FNDC3B: variants seen among roughly 807,000 people sequenced by gnomAD.
FNDC3B encodes fibronectin type III domain-containing protein 3B.
A neutral mutation model predicts 151.5 loss-of-function variants in FNDC3B; 12 were observed. That is an observed-to-expected ratio of 0.08 (90% confidence interval 0.05 to 0.13). FNDC3B has a LOEUF of 0.13. FNDC3B is among the 10% of genes least tolerant of loss of function. The pLI is 1.00. For missense variants in FNDC3B, 1,214 were observed against 1,505.3 expected, an observed-to-expected ratio of 0.81 and a Z score of 3.20; for synonymous variants, 528 against 549.0, an observed-to-expected ratio of 0.96 and a Z score of 0.54.
chr3:172,197,956 G>T (rs1235341121), intron 3 of FNDC3B, among the ~76,000 whole-genome samples: 1 of 152,122 alleles, frequency 6.6e-6, no homozygotes, highest in Non-Finnish European at 1.5e-5. Context: ...AGTTCAAAGT[G>T]ATATAAATAT....
chr3:172,317,954 G>C (rs1473893008), intron 11 of FNDC3B, among the ~76,000 whole-genome samples: 1 of 152,180 alleles, frequency 6.6e-6, no homozygotes, highest in African/African-American at 2.4e-5. Context: ...GTGACTACTG[G>C]AGTCCCCAAA....
chr3:172,392,135 A>T, intron 25 of FNDC3B, among the ~76,000 whole-genome samples: 1 of 152,186 alleles, frequency 6.6e-6, no homozygotes, highest in East Asian at 1.9e-4. Context: ...CTCATCTTAA[A>T]ACGTTCATTT....
intron 25 of FNDC3B, among the ~76,000 whole-genome samples, chr3:172,382,656 G>C (rs1390054235): frequency 6.6e-6 from 1 of 152,162 alleles, no homozygotes; most frequent in Non-Finnish European, 1.5e-5. Flanking sequence ...AAGGGGTAAG[G>C]AAGGGGTCCA....
intron 6 of FNDC3B, among the ~76,000 whole-genome samples, chr3:172,268,822 A>G (rs1729045827): frequency 6.6e-6 from 1 of 152,192 alleles, no homozygotes; most frequent in Non-Finnish European, 1.5e-5. Flanking sequence ...GGTTTTAGCT[A>G]CTTATGTGAT....
intron 23 of FNDC3B, among the ~76,000 whole-genome samples, chr3:172,367,406 A>C (rs1226479260): frequency 6.6e-6 from 1 of 152,216 alleles, no homozygotes; most frequent in Non-Finnish European, 1.5e-5. Context: ...CAGACAGCAG[A>C]CAGCAAAACA....
intron 24 of FNDC3B, among the ~76,000 whole-genome samples, chr3:172,378,814 A>C (rs1383593770): frequency 6.6e-6 from 1 of 152,188 alleles, no homozygotes; most frequent in Admixed American, 6.5e-5. Flanking sequence ...AGACTGACTT[A>C]GGCAACTTCA....
In FNDC3B at chr3:172,397,542, C is replaced by T. The variant is rs1036119556; in HGVS notation, c.*67C>T. 2 of 1,033,260 alleles carry T rather than the reference C, an allele frequency of 1.9e-6. No individual in the cohort carries two copies. Among genetic ancestry groups the T allele is most frequent in the Non-Finnish European group, 2.8e-6 (2 of 723,344 alleles). 64.0% of individuals were successfully genotyped at this position (1,033,260 alleles called of 1,614,324 possible). Reference sequence around the variant, plus strand: ...AATACACACATTTATTCAGATACTCCCCTTTTTAAAGCCCTTTTGTTTTTT... The same window carrying T: ...AATACACACATTTATTCAGATACTCTCCTTTTTAAAGCCCTTTTGTTTTTT... On this transcript the variant is annotated 3_prime_UTR_variant, in exon 26 of 26. Transcript: ENST00000415807.
At chr3:172,327,485 C>A (rs1732416319) in intron 11 of FNDC3B, among the ~76,000 whole-genome samples, 1 of 152,200 alleles carries the variant, frequency 6.6e-6, no homozygotes, top group Non-Finnish European at 1.5e-5. Flanking sequence ...ACTGCGAGCT[C>A]CGTCTCCCAG....
chr3:172,368,967 C>T (rs1274115868), intron 23 of FNDC3B, among the ~76,000 whole-genome samples: 1 of 152,142 alleles, frequency 6.6e-6, no homozygotes, highest in Non-Finnish European at 1.5e-5. Context: ...GCCAAGATCA[C>T]GCCACTGTAC....
At chr3:172,183,918 A>G (rs903863057) in intron 3 of FNDC3B, among the ~76,000 whole-genome samples, 1 of 152,158 alleles carries the variant, frequency 6.6e-6, no homozygotes, top group African/African-American at 2.4e-5. Flanking sequence ...CATTAATATT[A>G]CTAGCTAACT....
At chr3:172,281,960 A>G (rs538034618) in intron 6 of FNDC3B, among the ~76,000 whole-genome samples, 1 of 150,664 alleles carries the variant, frequency 6.6e-6, no homozygotes, top group Non-Finnish European at 1.5e-5. Context: ...GCTTCATCCA[A>G]ACTCTGACAT....
chr3:172,396,717 G>A (rs1736301495), intron 25 of FNDC3B, among the ~76,000 whole-genome samples: 1 of 152,182 alleles, frequency 6.6e-6, no homozygotes, highest in Non-Finnish European at 1.5e-5. Context: ...AGGGATCTAG[G>A]TTGTGCACTC....
intron 7 of FNDC3B, 34 bp downstream of exon 7, chr3:172,286,018 C>G: frequency 6.7e-7 from 1 of 1,493,148 alleles, no homozygotes; most frequent in African/African-American, 1.4e-5. Context: ...ATAAATGACA[C>G]TTTTTAAAGT....
intron 3 of FNDC3B, among the ~76,000 whole-genome samples, chr3:172,166,526 A>G (rs1170400349): frequency 6.6e-6 from 1 of 152,148 alleles, no homozygotes; most frequent in East Asian, 1.9e-4. Flanking sequence ...GATCCACGAG[A>G]ATCCTGTGTT....
chr3:172,100,579 T>G (rs1458984584), intron 1 of FNDC3B, among the ~76,000 whole-genome samples: 3 of 152,232 alleles, frequency 2.0e-5, no homozygotes, highest in Admixed American at 2.0e-4. Flanking sequence ...TTTATCATAA[T>G]GAGCTAATCT....
At chr3:172,049,702 T>C (rs968049685) in intron 1 of FNDC3B, among the ~76,000 whole-genome samples, 1 of 152,124 alleles carries the variant, frequency 6.6e-6, no homozygotes, top group African/African-American at 2.4e-5. Context: ...TAATTTTGTA[T>C]ATTTAGTAGA....
intron 23 of FNDC3B, among the ~76,000 whole-genome samples, chr3:172,371,418 A>G (rs1734877064): frequency 6.6e-6 from 1 of 152,178 alleles, no homozygotes. Context: ...GACTGTGCAG[A>G]ATGTTTCTTT....
intron 1 of FNDC3B, among the ~76,000 whole-genome samples, chr3:172,087,798 G>T (rs942486582): frequency 2.0e-5 from 3 of 152,168 alleles, no homozygotes; most frequent in African/African-American, 7.2e-5. Flanking sequence ...GGGGCTATAA[G>T]AATTCAATGC....
chr3:172,394,248 AG>A (rs1279251152), intron 25 of FNDC3B, among the ~76,000 whole-genome samples: 1 of 151,940 alleles, frequency 6.6e-6, no homozygotes, highest in Admixed American at 6.6e-5. Context: ...GGGGGGAGGG[AG>A]AAACTAAGCC....
Sources: gnomAD v4.1 joint callset for allele counts (sites outside exome capture counted in the v4.1 genomes callset) on GRCh38, gnomAD v4.1.1 for gene constraint, MANE v1.5 for transcripts, NCBI Gene and HGNC (gene_info 2026-07-23, HGNC 2026-07-21) for gene names.